The following LRRC37A3 variants were observed in gnomAD, a reference collection of about 807,000 sequenced individuals.
LRRC37A3 encodes leucine rich repeat containing 37 member A3.
In LRRC37A3, 25 loss-of-function variants were observed where a neutral mutation model predicts 106.2. The observed-to-expected ratio is 0.24, with a 90% CI of 0.17 to 0.33. The LOEUF is 0.33. LRRC37A3 is among the 10% of genes least tolerant of loss of function. The pLI is 1.00. For synonymous variants in LRRC37A3, 305 were observed against 635.8 expected, an observed-to-expected ratio of 0.48 and a Z score of 7.83; for missense variants, 712 against 1,644.9, an observed-to-expected ratio of 0.43 and a Z score of 9.81.
In LRRC37A3 at chr17:64,859,952, T is replaced by G. The variant is rs138146446; in HGVS notation, c.4194A>C (p.Glu1398Asp). 1.0e-4 allele frequency: 166 copies of G among 1,613,848 alleles called. No homozygotes were observed. The African/African-American group carries it at 2.0e-3, about 20-fold the overall frequency. The change falls in exon 12 of 15, where the codon GAA becomes GAC. Residue 1398 changes from glutamate to aspartate, a missense_variant. By Grantham distance (45) the Glu-to-Asp change is conservative. Transcript: ENST00000584306. ...TAGTGTTTTCCATAAAAACATTTTC[T>G]TCAAAGGCATTTCTTGCAGTTGTGT... The part of the protein sequence containing the change: ...TKDTTARNAF[E>D]ENVFMENTNM...
intron 10 of LRRC37A3, among the ~76,000 whole-genome samples, chr17:64,864,481 G>A (rs866507330): frequency 2.6e-5 from 4 of 152,076 alleles, no homozygotes; most frequent in Admixed American, 6.5e-5. Flanking sequence ...TTTTCAATAC[G>A]TAAATTTGGG....
intron 13 of LRRC37A3, among the ~76,000 whole-genome samples, chr17:64,856,133 A>C (rs1440840086): frequency 6.6e-6 from 1 of 152,016 alleles, no homozygotes; most frequent in Non-Finnish European, 1.5e-5. Context: ...TGGATGCTCA[A>C]TCCCTTACAC....
At chr17:64,876,416 G>A (rs1031614692) in intron 8 of LRRC37A3, among the ~76,000 whole-genome samples, 1 of 152,016 alleles carries the variant, frequency 6.6e-6, no homozygotes, top group African/African-American at 2.4e-5. Context: ...AACTCCTGGG[G>A]TCAAGCAATC....
chr17:64,917,171 G>A (rs1464329229), intron 2 of LRRC37A3, among the ~76,000 whole-genome samples: 1 of 150,078 alleles, frequency 6.7e-6, no homozygotes, highest in East Asian at 2.0e-4. Flanking sequence ...GCATGAACCC[G>A]GGAGGCGGAG....
At position 64,854,577 on chromosome 17, in the gene LRRC37A3, T is replaced by C; in HGVS notation, c.*22A>G. 2 of 1,613,956 alleles carry C rather than the reference T, an allele frequency of 1.2e-6. No individual in the cohort carries two copies. The highest frequency in any genetic ancestry group is 1.7e-6 in the Non-Finnish European group (2 of 1,179,862). ...ACGCTATGTATTTTTGCAGGAGGCC[T>C]GAGGTGGGCTGGGTTCTCCTCCTAT... On this transcript the variant is annotated 3_prime_UTR_variant, in exon 15 of 15. Transcript: ENST00000584306.
chr17:64,919,096 G>A (rs1005978109), intron 1 of LRRC37A3, among the ~76,000 whole-genome samples: 1 of 151,696 alleles, frequency 6.6e-6, no homozygotes. Context: ...CGCCACCTCA[G>A]CCTGGGCGGC....
intron 8 of LRRC37A3, among the ~76,000 whole-genome samples, chr17:64,869,772 C>G (rs895762575): frequency 3.9e-5 from 6 of 151,914 alleles, no homozygotes; most frequent in Non-Finnish European, 8.8e-5. Flanking sequence ...AACTCCTGAC[C>G]TCAGGTGATC....
chr17:64,880,683 A>T (rs1012077618), intron 8 of LRRC37A3, among the ~76,000 whole-genome samples: 11 of 152,200 alleles, frequency 7.2e-5, no homozygotes, highest in African/African-American at 2.7e-4. Flanking sequence ...AGGAAAACTG[A>T]AATATTTTTA....
intron 11 of LRRC37A3, 41 bp from the exon 12 acceptor site, chr17:64,861,014 T>C (rs752417503): frequency 6.2e-7 from 1 of 1,612,802 alleles, no homozygotes; most frequent in East Asian, 2.2e-5. Flanking sequence ...TGAAAGATGA[T>C]GGGATGGGAT....
At chr17:64,855,747 A>G in intron 14 of LRRC37A3, 93 bp downstream of exon 14, 5 of 1,586,854 alleles carry the variant, frequency 3.2e-6, no homozygotes, top group Non-Finnish European at 4.3e-6. Flanking sequence ...GGTTGCCGTG[A>G]GCCGAGATCG....
Position 64,856,879 on chromosome 17 carries a change from G to A in LRRC37A3, c.4810-990C>T, listed in dbSNP as rs1169962978. 2.6e-5 allele frequency among the ~76,000 whole-genome samples: 4 copies of A among 151,842 alleles called. No homozygotes were observed. In the South Asian group the frequency reaches 6.3e-4, roughly 24 times the overall value. ...GCCTGCCTGTAGTCCCAGCCACTCA[G>A]GAAGCTGAGGCAGGAGGATCCCTTA... On this transcript the variant is annotated intron_variant, in intron 13 of 14. Transcript: ENST00000584306.
chr17:64,881,119 C>G (rs144836261), intron 8 of LRRC37A3: 2 of 700,778 alleles, frequency 2.9e-6, no homozygotes, highest in African/African-American at 3.5e-5. Flanking sequence ...TACATAGGTT[C>G]GTGAGCCACA....
At chr17:64,868,667 C>G in intron 9 of LRRC37A3, 131 bp from the exon 10 acceptor site, 1 of 1,308,586 alleles carries the variant, frequency 7.6e-7, no homozygotes, top group Non-Finnish European at 1.1e-6. Flanking sequence ...CCAGGGAGCT[C>G]TTATTAAAGA....
At chr17:64,867,533 T>C (rs554835019) in intron 10 of LRRC37A3, among the ~76,000 whole-genome samples, 2 of 152,154 alleles carry the variant, frequency 1.3e-5, no homozygotes, top group South Asian at 4.2e-4. Context: ...AATGACATAA[T>C]GTTTGTATAC....
intron 2 of LRRC37A3, among the ~76,000 whole-genome samples, chr17:64,911,163 A>T (rs1974581477): frequency 2.0e-5 from 3 of 151,542 alleles, no homozygotes; most frequent in Admixed American, 2.0e-4. Context: ...GCTTAAGAGG[A>T]GAAACAACCG....
At chr17:64,855,999 C>A in intron 13 of LRRC37A3, 110 bp from the exon 14 acceptor site, 1 of 1,590,962 alleles carries the variant, frequency 6.3e-7, no homozygotes, top group Non-Finnish European at 8.6e-7. Context: ...GATGAGGTAA[C>A]TTTTTTGAAG....
chr17:64,899,330 G>A (rs1335695475), intron 2 of LRRC37A3, among the ~76,000 whole-genome samples: 2 of 143,410 alleles, frequency 1.4e-5, no homozygotes, highest in Admixed American at 6.9e-5. Flanking sequence ...TGAGGTAGGA[G>A]AATCACTTGA....
chr17:64,910,205 T>G (rs1974557876), intron 2 of LRRC37A3: 1 of 152,328 alleles, frequency 6.6e-6, no homozygotes, highest in Non-Finnish European at 1.5e-5. Context: ...ATTGCCTTAC[T>G]TTGCTGAAAT....
chr17:64,868,956 C>A, intron 9 of LRRC37A3, 139 bp downstream of exon 9: 2 of 1,462,124 alleles, frequency 1.4e-6, no homozygotes. Flanking sequence ...TTTTTTTCTT[C>A]GCCAATAACT....
Sources: allele counts gnomAD v4.1 joint callset (sites outside exome capture counted in the v4.1 genomes callset), GRCh38; gene constraint gnomAD v4.1.1; transcripts MANE v1.5; gene names NCBI Gene and HGNC (gene_info 2026-07-23, HGNC 2026-07-21).